Variants in PDZRN3 observed in about 807,000 individuals in gnomAD.
The protein encoded by PDZRN3 is E3 ubiquitin-protein ligase PDZRN3.
Under a neutral mutation model 85.7 loss-of-function variants are expected in PDZRN3, and 38 were observed. The ratio of observed to expected loss-of-function variants is 0.44; its 90% confidence interval spans 0.34 to 0.58. The LOEUF is 0.58. PDZRN3 is among the 20% of genes least tolerant of loss of function. PDZRN3 has a pLI of 0.01. For synonymous variants in PDZRN3, 759 were observed against 638.0 expected (o/e 1.19, Z -2.86); for missense variants, 1,629 against 1,506.4 (o/e 1.08, Z -1.35).
intron 3 of PDZRN3, among the ~76,000 whole-genome samples, chr3:73,567,240 C>T (rs1438565900): frequency 6.6e-6 from 1 of 152,136 alleles, no homozygotes; most frequent in Non-Finnish European, 1.5e-5. Flanking sequence ...TCATAACTTT[C>T]CTGGATACTT....
intron 3 of PDZRN3, among the ~76,000 whole-genome samples, chr3:73,582,683 A>G (rs968013751): frequency 3.3e-5 from 5 of 152,188 alleles, no homozygotes; most frequent in Non-Finnish European, 7.3e-5. Context: ...ACACAGAGCC[A>G]GATATGGATT....
chr3:73,384,264 G>A lies in PDZRN3; in HGVS notation c.2302C>T (p.Pro768Ser). The change falls in exon 10 of 10, where the codon CCG becomes TCG. Residue 768 changes from proline to serine, a missense_variant. Transcript: ENST00000263666. ...TCGGGGGAGATCTCCAGGGTGAGCG[G>A]GGTGCTGCGGCAGCTCTCGCCTGTG... is the stretch of plus-strand genomic sequence containing the variant. ...YNTGESCRST[P>S]LTLEISPDNS... is the part of the protein sequence containing the mutation. 1 of 1,613,054 alleles carries A rather than the reference G, an allele frequency of 6.2e-7. No individual in the cohort carries two copies. The highest frequency in any genetic ancestry group is 8.5e-7 in the Non-Finnish European group (1 of 1,179,766).
intron 3 of PDZRN3, among the ~76,000 whole-genome samples, chr3:73,543,044 A>C (rs1482638214): frequency 1.3e-5 from 2 of 152,224 alleles, no homozygotes; most frequent in Non-Finnish European, 2.9e-5. Flanking sequence ...GATAAATGCA[A>C]ATACACACTG....
chr3:73,589,853 C>A (rs754028045), intron 3 of PDZRN3, among the ~76,000 whole-genome samples: 1 of 152,156 alleles, frequency 6.6e-6, no homozygotes, highest in Non-Finnish European at 1.5e-5. Context: ...GTGAAGCCAA[C>A]AAAGTGCTTG....
intron 3 of PDZRN3, among the ~76,000 whole-genome samples, chr3:73,509,473 T>C (rs1559715015): frequency 6.6e-6 from 1 of 152,176 alleles, no homozygotes; most frequent in Non-Finnish European, 1.5e-5. Context: ...TCCTCTTCTA[T>C]AAAAACAAGG....
intron 3 of PDZRN3, among the ~76,000 whole-genome samples, chr3:73,556,519 A>G: frequency 6.6e-6 from 1 of 152,174 alleles, no homozygotes; most frequent in East Asian, 1.9e-4. Flanking sequence ...TCCTTTGATG[A>G]ATTTTTACGG....
chr3:73,480,695 T>C (rs1703545620), intron 3 of PDZRN3, among the ~76,000 whole-genome samples: 1 of 152,176 alleles, frequency 6.6e-6, no homozygotes, highest in African/African-American at 2.4e-5. Context: ...GTGTGTTCCT[T>C]AAAAGTCAAG....
chr3:73,442,093 T>C (rs111468627), intron 3 of PDZRN3, among the ~76,000 whole-genome samples: 3 of 152,278 alleles, frequency 2.0e-5, no homozygotes, highest in Admixed American at 2.0e-4. Flanking sequence ...ATTGTGGCTC[T>C]GTGATCTGGG....
At chr3:73,620,581 G>GTTTTTTTTTTT (rs10650658) in intron 1 of PDZRN3, among the ~76,000 whole-genome samples, 1 of 139,800 alleles carries the variant, frequency 7.2e-6, no homozygotes, top group African/African-American at 2.7e-5. Flanking sequence ...GGTTTTTTTT[G>GTTTTTTTTTTT]TTTTTTTTTT....
chr3:73,497,535 A>G (rs1360014734), intron 3 of PDZRN3, among the ~76,000 whole-genome samples: 2 of 152,238 alleles, frequency 1.3e-5, no homozygotes, highest in Admixed American at 6.5e-5. Context: ...AAAGTACAGA[A>G]AGGCTCAAGA....
intron 3 of PDZRN3, among the ~76,000 whole-genome samples, chr3:73,423,768 G>C (rs879498449): frequency 6.6e-6 from 1 of 152,090 alleles, no homozygotes; most frequent in Admixed American, 6.5e-5. Flanking sequence ...TAGTATTTCT[G>C]ATTTACTTTC....
chr3:73,621,262 C>CA (rs1359075622), intron 1 of PDZRN3, among the ~76,000 whole-genome samples: 2 of 152,234 alleles, frequency 1.3e-5, no homozygotes, highest in Admixed American at 1.3e-4. Flanking sequence ...CAGCAGGTGT[C>CA]AAAAAAACTG....
intron 3 of PDZRN3, among the ~76,000 whole-genome samples, chr3:73,598,748 C>A (rs551520479): frequency 9.2e-5 from 14 of 152,020 alleles, no homozygotes; most frequent in African/African-American, 3.4e-4. Flanking sequence ...GTAGGGAACC[C>A]AAATAGGGGA....
At chr3:73,424,146 T>A (rs186234031) in intron 3 of PDZRN3, among the ~76,000 whole-genome samples, 1 of 152,094 alleles carries the variant, frequency 6.6e-6, no homozygotes, top group African/African-American at 2.4e-5. Flanking sequence ...AAAACACATT[T>A]CCTAGCAAAG....
At chr3:73,489,575 CTTT>C (rs371602592) in intron 3 of PDZRN3, among the ~76,000 whole-genome samples, 4 of 80,096 alleles carry the variant, frequency 5.0e-5, no homozygotes, top group Admixed American at 1.9e-4. Context: ...AGTTTCTTTT[CTTT>C]TTTTTTTTTT....
chr3:73,421,278 T>G (rs2106776182), intron 3 of PDZRN3, among the ~76,000 whole-genome samples: 1 of 152,270 alleles, frequency 6.6e-6, no homozygotes, highest in South Asian at 2.1e-4. Flanking sequence ...ATTCCTGAGC[T>G]TCAGAAGAAG....
chr3:73,544,256 G>A (rs535080436), intron 3 of PDZRN3, among the ~76,000 whole-genome samples: 13 of 152,318 alleles, frequency 8.5e-5, no homozygotes, highest in Middle Eastern at 3.4e-3. Flanking sequence ...ACCCCACACC[G>A]TTGGTGTGTT....
At chr3:73,615,597 A>T (rs1489429154) in intron 1 of PDZRN3, among the ~76,000 whole-genome samples, 2 of 152,218 alleles carry the variant, frequency 1.3e-5, no homozygotes, top group Non-Finnish European at 2.9e-5. Flanking sequence ...GCACAACAAC[A>T]GAAAGACAGC....
At chr3:73,522,098 C>T (rs919840374) in intron 3 of PDZRN3, among the ~76,000 whole-genome samples, 1 of 152,164 alleles carries the variant, frequency 6.6e-6, no homozygotes, top group Non-Finnish European at 1.5e-5. Flanking sequence ...GAAACACAGC[C>T]ACACCCATTC....
Sources: allele counts gnomAD v4.1 joint callset (sites outside exome capture counted in the v4.1 genomes callset), GRCh38; gene constraint gnomAD v4.1.1; transcripts MANE v1.5; gene names NCBI Gene and HGNC (gene_info 2026-07-23, HGNC 2026-07-21).